Variants in CADM1 observed in about 807,000 individuals in gnomAD.
CADM1 encodes the protein TSLC-1.
In CADM1, 15 loss-of-function variants were observed where a neutral mutation model predicts 53.1. The ratio of observed to expected loss-of-function variants is 0.28; its 90% CI spans 0.19 to 0.44. CADM1 has a LOEUF of 0.44. CADM1 is among the 20% of genes least tolerant of loss of function. CADM1 has a pLI of 1.00. For missense variants in CADM1, 434 were observed against 611.3 expected, an observed-to-expected ratio of 0.71 and a Z score of 3.06; for synonymous variants, 281 against 243.0, an observed-to-expected ratio of 1.16 and a Z score of -1.45.
chr11:115,225,358 T>C (rs1211064486), intron 5 of CADM1, among the ~76,000 whole-genome samples: 1 of 152,142 alleles, frequency 6.6e-6, no homozygotes, highest in South Asian at 2.1e-4. Flanking sequence ...GTCAACACCT[T>C]GCTGAACAAA....
At chr11:115,191,836 A>C (rs969702273) in intron 9 of CADM1, among the ~76,000 whole-genome samples, 2 of 152,238 alleles carry the variant, frequency 1.3e-5, no homozygotes, top group Admixed American at 1.3e-4. Context: ...GTCCAGTGTG[A>C]CTAACTGCTT....
chr11:115,475,275 A>T (rs980469003), intron 1 of CADM1, among the ~76,000 whole-genome samples: 4 of 151,488 alleles, frequency 2.6e-5, no homozygotes, highest in African/African-American at 9.7e-5. Context: ...TTTTAATTTT[A>T]TTTTTTTTCC....
chr11:115,225,821 A>C (rs937796718), intron 5 of CADM1, among the ~76,000 whole-genome samples: 1 of 152,196 alleles, frequency 6.6e-6, no homozygotes, highest in African/African-American at 2.4e-5. Flanking sequence ...GTATTTTTTA[A>C]AAATTACTTG....
At chr11:115,328,635 CTAAATA>C (rs199890466) in intron 1 of CADM1, among the ~76,000 whole-genome samples, 1,358 of 124,564 alleles carry the variant, frequency 0.011, 13 homozygotes, top group Non-Finnish European at 0.019. Context: ...TATATACTAT[CTAAATA>C]TAAATATATA....
rs1591615763 is a variant in CADM1, at chr11:115,219,355, C to T, written c.722-1364G>A. On this transcript the variant is annotated intron_variant, in intron 5 of 11. Coordinates refer to ENST00000331581, the MANE Select transcript of CADM1 (RefSeq NM_001301043.2). ...TAGATGCATTCTTATAGTCTCTTTC[C>T]TATCACAAATCTTTCTCTCATGTCT... is the stretch of plus-strand genomic sequence containing the variant. 2.6e-5 allele frequency among the ~76,000 whole-genome samples: 4 copies of T among 152,182 alleles called. No homozygotes were observed. In the East Asian group the frequency reaches 5.8e-4, roughly 22 times the overall value.
chr11:115,330,530 C>T (rs1208160021), intron 1 of CADM1, among the ~76,000 whole-genome samples: 1 of 152,128 alleles, frequency 6.6e-6, no homozygotes, highest in Non-Finnish European at 1.5e-5. Flanking sequence ...CTTTTAAGTC[C>T]TTCCCAACGA....
At chr11:115,497,200 G>A (rs1949637417) in intron 1 of CADM1, among the ~76,000 whole-genome samples, 1 of 152,182 alleles carries the variant, frequency 6.6e-6, no homozygotes, top group Non-Finnish European at 1.5e-5. Context: ...CAAACACTGA[G>A]TAGCATTTAA....
chr11:115,466,264 A>G (rs1205555724), intron 1 of CADM1, among the ~76,000 whole-genome samples: 1 of 152,234 alleles, frequency 6.6e-6, no homozygotes, highest in Non-Finnish European at 1.5e-5. Flanking sequence ...TGATTAGAGC[A>G]TCTTTTAATG....
chr11:115,317,139 T>G (rs1240309384), intron 1 of CADM1, among the ~76,000 whole-genome samples: 1 of 152,188 alleles, frequency 6.6e-6, no homozygotes, highest in East Asian at 1.9e-4. Flanking sequence ...GAGGATCAGA[T>G]AAGCATCTAG....
At chr11:115,352,236 G>A (rs992529484) in intron 1 of CADM1, among the ~76,000 whole-genome samples, 1 of 152,164 alleles carries the variant, frequency 6.6e-6, no homozygotes, top group Non-Finnish European at 1.5e-5. Context: ...AAATTGTGAC[G>A]GAAAGTCTGT....
rs377001256 is a variant in CADM1, at chr11:115,324,529, AACAG to A, written c.125-84113_125-84110del. ...TCGTGGAAAAGAACATGACAGCAGA[AACAG>A]ACAGAGACCTTAAAAAGCAATTAAG... On this transcript the variant is annotated intron_variant, in intron 1 of 11. Transcript: ENST00000331581. Among the ~76,000 whole-genome samples the A allele has an allele frequency of 5.2e-3, 785 of 152,288 alleles. 8 individuals carry two copies. The highest frequency in any genetic ancestry group is 0.018 in the African/African-American group (746 of 41,568).
chr11:115,313,295 C>G (rs765710714), intron 1 of CADM1, among the ~76,000 whole-genome samples: 1 of 151,940 alleles, frequency 6.6e-6, no homozygotes, highest in Admixed American at 6.6e-5. Context: ...ACCATGTGTC[C>G]CAGACATAAA....
intron 1 of CADM1, among the ~76,000 whole-genome samples, chr11:115,387,686 T>C (rs1390601445): frequency 6.6e-6 from 1 of 152,180 alleles, no homozygotes; most frequent in Non-Finnish European, 1.5e-5. Context: ...TAATACATTA[T>C]AGAATGGAGA....
intron 5 of CADM1, among the ~76,000 whole-genome samples, chr11:115,225,888 T>C (rs545279136): frequency 6.6e-6 from 1 of 152,324 alleles, no homozygotes; most frequent in Non-Finnish European, 1.5e-5. Context: ...CTGGTTAACA[T>C]CCATTCATCT....
chr11:115,237,102 A>C (rs1942036356), intron 3 of CADM1, among the ~76,000 whole-genome samples: 1 of 152,128 alleles, frequency 6.6e-6, no homozygotes, highest in South Asian at 2.1e-4. Context: ...GCTGCTAATG[A>C]CTTACTCCAA....
At chr11:115,302,467 G>A (rs778753244) in intron 1 of CADM1, among the ~76,000 whole-genome samples, 28 of 151,910 alleles carry the variant, frequency 1.8e-4, no homozygotes, top group Non-Finnish European at 3.4e-4. Context: ...TTTTTCCTAC[G>A]AAAATACAGT....
chr11:115,338,010 C>T (rs1945312520), intron 1 of CADM1, among the ~76,000 whole-genome samples: 1 of 152,048 alleles, frequency 6.6e-6, no homozygotes, highest in African/African-American at 2.4e-5. Context: ...GTGGGTATCT[C>T]GGGTTGTAAA....
At chr11:115,283,199 C>G (rs1279417745) in intron 1 of CADM1, among the ~76,000 whole-genome samples, 1 of 152,082 alleles carries the variant, frequency 6.6e-6, no homozygotes, top group Non-Finnish European at 1.5e-5. Flanking sequence ...AAAACAGTCC[C>G]TGAAAGAGGA....
intron 1 of CADM1, among the ~76,000 whole-genome samples, chr11:115,276,369 A>T (rs1943444424): frequency 1.3e-5 from 2 of 152,214 alleles, no homozygotes; most frequent in Non-Finnish European, 2.9e-5. Flanking sequence ...ATGTGTGGGC[A>T]TTTGTTAAAG....
Sources: gnomAD v4.1 joint callset for allele counts (sites outside exome capture counted in the v4.1 genomes callset) on GRCh38, gnomAD v4.1.1 for gene constraint, MANE v1.5 for transcripts, NCBI Gene and HGNC (gene_info 2026-07-23, HGNC 2026-07-21) for gene names.